MAP4: variants seen among roughly 807,000 people sequenced by gnomAD.
MAP4 encodes the protein microtubule-associated protein 4.
MAP4 carries 76 observed loss-of-function variants against 170.2 expected under a neutral mutation model. The ratio of observed to expected loss-of-function variants is 0.45; its 90% confidence interval spans 0.37 to 0.54. MAP4 has a LOEUF of 0.54. MAP4 is among the 20% of genes least tolerant of loss of function. MAP4 has a pLI of 0.00. For missense variants in MAP4, 2,506 were observed against 2,748.0 expected (o/e 0.91, Z 1.97); for synonymous variants, 909 against 994.5 (o/e 0.91, Z 1.62).
At chr3:48,062,360 C>T (rs540575005) in intron 1 of MAP4, among the ~76,000 whole-genome samples, 4 of 151,618 alleles carry the variant, frequency 2.6e-5, no homozygotes, top group East Asian at 3.9e-4. Context: ...ACAAACACTG[C>T]GGAAGGCCGC....
At chr3:47,861,603 A>G (rs2066092736) in intron 17 of MAP4, among the ~76,000 whole-genome samples, 1 of 151,558 alleles carries the variant, frequency 6.6e-6, no homozygotes, top group South Asian at 2.1e-4. Flanking sequence ...CACCTGCCTC[A>G]GCCTCCCAAA....
chr3:47,915,076 T>C lies in MAP4; in HGVS notation c.1877-137A>G, dbSNP rs1048221080. Reference sequence around the variant, plus strand: ...GGCAGCAAAGGAGTGAAGTGGTAGTTGGAAGCTGAAGTTGGGAAGGTATGT... The same window carrying C: ...GGCAGCAAAGGAGTGAAGTGGTAGTCGGAAGCTGAAGTTGGGAAGGTATGT... On this transcript the variant is annotated intron_variant, in intron 7 of 20. Transcript: ENST00000683076. 3.7e-5 allele frequency: 37 copies of C among 1,012,816 alleles called. No homozygotes were observed. The African/African-American group carries it at 5.2e-4, about 14-fold the overall frequency. The allele number at this position is 1,012,816 out of a possible 1,614,324, so 62.7% of individuals were successfully genotyped here.
chr3:47,859,374 G>A (rs2061977208), intron 17 of MAP4, among the ~76,000 whole-genome samples: 1 of 152,138 alleles, frequency 6.6e-6, no homozygotes, highest in African/African-American at 2.4e-5. Context: ...AGGAAATATA[G>A]TCTTCACCAT....
chr3:47,998,575 C>T, intron 2 of MAP4, 63 bp downstream of exon 2: 1 of 1,297,912 alleles, frequency 7.7e-7, no homozygotes. Flanking sequence ...CAAGATTATA[C>T]CAAAGGCATA....
At chr3:48,038,523 C>T (rs1290848003) in intron 1 of MAP4, among the ~76,000 whole-genome samples, 2 of 145,912 alleles carry the variant, frequency 1.4e-5, no homozygotes, top group African/African-American at 2.5e-5. Context: ...TGCAGTGGCA[C>T]GATCTTGGCT....
intron 9 of MAP4, among the ~76,000 whole-genome samples, chr3:47,906,780 A>G (rs2100033306): frequency 6.7e-6 from 1 of 149,750 alleles, no homozygotes; most frequent in African/African-American, 2.5e-5. Flanking sequence ...AGAGACATGT[A>G]CCAGGAAAAA....
At chr3:47,973,592 A>G in intron 3 of MAP4, 1 of 984,980 alleles carries the variant, frequency 1.0e-6, no homozygotes. Flanking sequence ...ATTTCAAACA[A>G]AAATAAGCAT....
Position 47,910,323 on chromosome 3 carries a change from T to A in MAP4, c.4098A>T (p.Gly1366=). The change falls in exon 9 of 21, where the codon GGA becomes GGT. Residue 1366 remains glycine (G), a synonymous_variant. Transcript: ENST00000683076. ...ADKPSKRSND[G]KSKKVKNSSP... is the part of the protein sequence containing the mutation. ...AACTATTTTTAACCTTTTTACTTTT[T>A]CCATCATTACTCCTTTTACTTGGTT... The A allele has an allele frequency of 6.4e-7, 1 of 1,555,972 alleles. No individual in the cohort carries two copies. Among genetic ancestry groups the A allele is most frequent in the South Asian group, 1.2e-5 (1 of 86,096 alleles).
At chr3:47,964,465 G>T (rs1341461967) in intron 3 of MAP4, among the ~76,000 whole-genome samples, 1 of 152,204 alleles carries the variant, frequency 6.6e-6, no homozygotes, top group African/African-American at 2.4e-5. Flanking sequence ...CATTTAAGGA[G>T]ATGGGGAGGC....
chr3:47,923,975 G>C (rs1219276536), intron 4 of MAP4, among the ~76,000 whole-genome samples: 1 of 152,184 alleles, frequency 6.6e-6, no homozygotes, highest in Non-Finnish European at 1.5e-5. Context: ...GGGAAAAAAG[G>C]ATTCTTAAAG....
At chr3:48,066,822 CTTTTTTTTTTTTTTTTTT>C (rs55939839) in intron 1 of MAP4, among the ~76,000 whole-genome samples, 27 of 65,824 alleles carry the variant, frequency 4.1e-4, no homozygotes, top group South Asian at 1.4e-3. Flanking sequence ...TCTCTAATTC[CTTTTTTTTTTTTTTTTTT>C]TTTTTTTTTT....
chr3:47,959,715 C>T (rs1209962596), intron 3 of MAP4, among the ~76,000 whole-genome samples: 2 of 146,290 alleles, frequency 1.4e-5, no homozygotes, highest in African/African-American at 5.1e-5. Context: ...GCCAAGATCG[C>T]GCCGCTGCAC....
At chr3:47,932,238 C>G (rs550661132) in intron 3 of MAP4, among the ~76,000 whole-genome samples, 38 of 152,306 alleles carry the variant, frequency 2.5e-4, no homozygotes, top group African/African-American at 8.9e-4. Flanking sequence ...AAGGTTCATC[C>G]ATGCTGTAGT....
At chr3:48,042,748 C>T (rs2100122309) in intron 1 of MAP4, among the ~76,000 whole-genome samples, 1 of 152,078 alleles carries the variant, frequency 6.6e-6, no homozygotes, top group Non-Finnish European at 1.5e-5. Flanking sequence ...CAGAAATAAC[C>T]CAAATGTTCC....
In MAP4 at chr3:47,951,459, C is replaced by T. The variant is rs542778395; in HGVS notation, c.293-23109G>A. Among the ~76,000 whole-genome samples the T allele has an allele frequency of 3.9e-5, 6 of 152,334 alleles. No homozygotes were observed. The South Asian group carries it at 1.2e-3, about 32-fold the overall frequency. On this transcript the variant is annotated intron_variant, in intron 3 of 20. Transcript: ENST00000683076. Reference sequence around the variant, plus strand: ...CACTGCAACCTCCCTGCCTGATTCTCCTGTCTCAGCCTGCCTAGTGCCTGC... The same window carrying T: ...CACTGCAACCTCCCTGCCTGATTCTTCTGTCTCAGCCTGCCTAGTGCCTGC...
At chr3:47,981,651 A>G (rs2100085488) in intron 2 of MAP4, among the ~76,000 whole-genome samples, 1 of 151,612 alleles carries the variant, frequency 6.6e-6, no homozygotes, top group South Asian at 2.1e-4. Flanking sequence ...GTGAATCACA[A>G]CTACTCTAGA....
Position 47,921,874 on chromosome 3 carries a change from G to C in MAP4, c.420C>G (p.Pro140=). The C allele has an allele frequency of 6.9e-7, 1 of 1,440,396 alleles. No homozygotes were observed. Among genetic ancestry groups the C allele is most frequent in the South Asian group, 1.1e-5 (1 of 87,496 alleles). 89.2% of individuals were successfully genotyped at this position (1,440,396 alleles called of 1,614,324 possible). The change falls in exon 5 of 21, where the codon CCC becomes CCG. Residue 140 remains proline, a synonymous_variant. Transcript: ENST00000683076. ...GGTCATCATCATGGTACATCTTAAA[G>C]GGATCTGGAATATAGAAGAAATCCA... ...EQVVDPIQTD[P]FKMYHDDDLA...
chr3:47,872,040 G>A lies in MAP4; in HGVS notation c.5818C>T (p.Pro1940Ser), dbSNP rs766104986. 6.2e-7 allele frequency: 1 copy of A among 1,613,528 alleles called. No homozygotes were observed. The highest frequency in any genetic ancestry group is 2.2e-5 in the East Asian group (1 of 44,880). Residue 1940 changes from proline to serine, a missense_variant, in exon 13 of 21, where the codon CCA becomes TCA. Physicochemically the swap from Pro to Ser is moderately conservative, Grantham distance 74 (BLOSUM62 -1). Coordinates refer to ENST00000683076, the MANE Select transcript of MAP4 (RefSeq NM_001385682.1). ...CTCTTGGACCCAGATCTGGAGGCTG[G>A]GGCAGAAGCTGGCTTGGATGGTGAG... ...RASPSKPASA[P>S]ASRSGSKSTQ... is the part of the protein sequence containing the mutation.
chr3:47,874,564 C>T (rs190238160), intron 12 of MAP4, among the ~76,000 whole-genome samples: 25 of 152,304 alleles, frequency 1.6e-4, no homozygotes, highest in Non-Finnish European at 1.5e-5. Context: ...TTTCACTAGA[C>T]ACCTCTCCTT....
Sources: allele counts gnomAD v4.1 joint callset (sites outside exome capture counted in the v4.1 genomes callset), GRCh38; gene constraint gnomAD v4.1.1; transcripts MANE v1.5; gene names NCBI Gene and HGNC (gene_info 2026-07-23, HGNC 2026-07-21).